Variants in DLGAP4 observed in about 807,000 individuals in gnomAD.
The protein encoded by DLGAP4 is DLG associated protein 4.
A neutral mutation model predicts 86.9 loss-of-function variants in DLGAP4; 18 were observed. The ratio of observed to expected loss-of-function variants is 0.21; its 90% CI spans 0.14 to 0.31. The LOEUF (loss-of-function observed/expected upper bound fraction) is 0.31. Ranked by LOEUF, DLGAP4 falls within the 10% of genes least tolerant of loss-of-function variation. The pLI is 1.00. For synonymous variants in DLGAP4, 548 were observed against 574.3 expected (o/e 0.95, Z 0.65); for missense variants, 1,085 against 1,362.6 (o/e 0.80, Z 3.21).
At position 36,526,018 on chromosome 20, in the gene DLGAP4, G is replaced by A; in HGVS notation, c.2760+12G>A. On this transcript the variant is annotated intron_variant, in intron 12 of 12. Transcript: ENST00000339266. ...CCGAGAAGAGGAAGGTGAGCATGGAGCAGTGCGGAGGGGAAGTCCAGGGAC... is the reference window on the plus strand; with the variant it reads ...CCGAGAAGAGGAAGGTGAGCATGGAACAGTGCGGAGGGGAAGTCCAGGGAC... The A allele has an allele frequency of 1.2e-6, 2 of 1,613,906 alleles. No homozygotes were observed. Among genetic ancestry groups the A allele is most frequent in the Non-Finnish European group, 1.7e-6 (2 of 1,180,014 alleles).
chr20:36,479,409 C>A (rs1455746897), intron 7 of DLGAP4, among the ~76,000 whole-genome samples: 1 of 152,048 alleles, frequency 6.6e-6, no homozygotes, highest in Non-Finnish European at 1.5e-5. Flanking sequence ...AGGGATGCCA[C>A]CCTGCCTTCA....
chr20:36,375,514 G>A (rs145172588), intron 2 of DLGAP4, among the ~76,000 whole-genome samples: 3 of 152,314 alleles, frequency 2.0e-5, no homozygotes, highest in East Asian at 1.9e-4. Flanking sequence ...CTACAAGGAC[G>A]AATCAGAGCT....
chr20:36,307,621 C>T (rs2065016928), intron 1 of DLGAP4, among the ~76,000 whole-genome samples: 1 of 152,096 alleles, frequency 6.6e-6, no homozygotes, highest in Admixed American at 6.5e-5. Flanking sequence ...TGGAGGGCAG[C>T]GCTGATGGGG....
rs1009296553 is a variant in DLGAP4 at position 36,393,324 on chromosome 20, C to A, written c.-73+26049C>A. 2.6e-5 allele frequency among the ~76,000 whole-genome samples: 4 copies of A among 152,190 alleles called. No individual in the cohort carries two copies. The highest frequency in any genetic ancestry group is 9.6e-5 in the African/African-American group (4 of 41,502). On this transcript the variant is annotated intron_variant, in intron 2 of 12. Coordinates refer to ENST00000339266, the MANE Select transcript of DLGAP4 (RefSeq NM_001365621.2). This position sits in a 1 kb window ranked among gnomAD's most constrained non-coding sequence, Gnocchi z 4.4. The stretch of plus-strand genomic sequence containing the variant: ...GGGGTCAGAGAGGCCTGGGTGAGAA[C>A]CCCAAGCTCTACACTCCCTCGCTGT...
Position 36,499,627 on chromosome 20 carries a change from C to T in DLGAP4, c.2050C>T (p.Pro684Ser), listed in dbSNP as rs768246559. The T allele has an allele frequency of 1.2e-6, 2 of 1,614,074 alleles. No homozygotes were observed. The highest frequency in any genetic ancestry group is 2.2e-5 in the South Asian group (2 of 91,008). ...GCCAGTGCCAAAAGAGGAGCCCAGTCCCGCTACCAAATTCCAGTCCATCGG... is the reference window on the plus strand; with the variant it reads ...GCCAGTGCCAAAAGAGGAGCCCAGTTCCGCTACCAAATTCCAGTCCATCGG... ...IQPVPKEEPS[P>S]ATKFQSIGVQ... The change falls in exon 9 of 13, where the codon CCC becomes TCC. Residue 684 changes from proline to serine, a missense_variant. Physicochemically the swap from Pro to Ser is moderately conservative, Grantham distance 74. Around this residue, in one of 2 missense-constraint regions of DLGAP4, gnomAD observed 1,082 missense variants for 1,344.1 expected, o/e 0.81. Transcript: ENST00000339266.
intron 7 of DLGAP4, among the ~76,000 whole-genome samples, chr20:36,455,747 C>G (rs2033862786): frequency 6.6e-6 from 1 of 152,174 alleles, no homozygotes; most frequent in African/African-American, 2.4e-5. Flanking sequence ...CCCCCAGCTT[C>G]TTCTCTGACT....
At position 36,496,846 on chromosome 20, in the gene DLGAP4, G is replaced by T; in HGVS notation, c.1790G>T (p.Ser597Ile). The T allele has an allele frequency of 6.2e-7, 1 of 1,614,228 alleles. No homozygotes were observed. The highest frequency in any genetic ancestry group is 2.2e-5 in the East Asian group (1 of 44,886). Reference sequence around the variant, plus strand: ...TACCTGGACAGCCAGGACCACAAGAGCGAGGTGACTAGCCAGTCGGGCCTG... The same window carrying T: ...TACCTGGACAGCCAGGACCACAAGATCGAGGTGACTAGCCAGTCGGGCCTG... ...DTYLDSQDHK[S>I]EVTSQSGLSN... Residue 597 changes from serine (S) to isoleucine (I), a missense_variant, in exon 8 of 13, where the codon AGC (serine) becomes ATC (isoleucine). Physicochemically the swap from Ser to Ile is moderately radical, Grantham distance 142. Transcript: ENST00000339266.
At chr20:36,336,364 C>T (rs1169969113) in intron 1 of DLGAP4, among the ~76,000 whole-genome samples, 2 of 152,164 alleles carry the variant, frequency 1.3e-5, no homozygotes, top group Admixed American at 6.5e-5. Context: ...GCCTGAGACT[C>T]TGCCCCCAGA....
intron 2 of DLGAP4, among the ~76,000 whole-genome samples, chr20:36,414,460 C>T (rs1361505538): frequency 6.6e-6 from 1 of 152,222 alleles, no homozygotes; most frequent in Admixed American, 6.5e-5. Context: ...ATTTATTCAT[C>T]AGCAAAAAGT....
intron 1 of DLGAP4, among the ~76,000 whole-genome samples, chr20:36,320,517 C>T (rs547096398): frequency 3.6e-4 from 55 of 152,276 alleles, no homozygotes; most frequent in African/African-American, 8.7e-4. Flanking sequence ...GTTCTCCCCA[C>T]GCTGCAGGCC....
At chr20:36,495,979 TCTC>T (rs1288503724) in intron 7 of DLGAP4, among the ~76,000 whole-genome samples, 3 of 152,096 alleles carry the variant, frequency 2.0e-5, no homozygotes, top group African/African-American at 4.8e-5. Context: ...TTCAAGCAGT[TCTC>T]CTGCCTCAGC....
chr20:36,433,610 G>A (rs900192730), intron 3 of DLGAP4, among the ~76,000 whole-genome samples: 4 of 152,098 alleles, frequency 2.6e-5, no homozygotes, highest in East Asian at 3.9e-4. Context: ...GAATGCAAGC[G>A]CGGGCCTGGC....
At chr20:36,392,022 G>C (rs1025265143) in intron 2 of DLGAP4, among the ~76,000 whole-genome samples, 1 of 152,214 alleles carries the variant, frequency 6.6e-6, no homozygotes, top group African/African-American at 2.4e-5. Flanking sequence ...GACTTCACTT[G>C]GTGGGCCTCA....
chr20:36,352,357 T>C (rs979804078), intron 1 of DLGAP4, among the ~76,000 whole-genome samples: 1 of 148,110 alleles, frequency 6.8e-6, no homozygotes, highest in Non-Finnish European at 1.5e-5. Context: ...CTGGCTGCAG[T>C]GTGGAGACTG....
chr20:36,412,466 G>T (rs897855204), intron 2 of DLGAP4, among the ~76,000 whole-genome samples: 3 of 152,258 alleles, frequency 2.0e-5, no homozygotes, highest in African/African-American at 7.2e-5. Context: ...CCTGAGAGCT[G>T]AGAAGCAGCA....
intron 7 of DLGAP4, chr20:36,492,930 C>G (rs2035728937): frequency 6.6e-6 from 1 of 152,030 alleles, no homozygotes; most frequent in Admixed American, 6.6e-5. Flanking sequence ...AAGAGTTGCT[C>G]TAAACAAACG....
intron 2 of DLGAP4, among the ~76,000 whole-genome samples, chr20:36,388,957 G>T (rs181995606): frequency 6.6e-6 from 1 of 152,328 alleles, no homozygotes; most frequent in African/African-American, 2.4e-5. Flanking sequence ...GACAGGATTT[G>T]CTGTGGGGCT....
chr20:36,409,849 C>A (rs570372157), intron 2 of DLGAP4, among the ~76,000 whole-genome samples: 4 of 151,706 alleles, frequency 2.6e-5, no homozygotes, highest in South Asian at 2.1e-4. Flanking sequence ...CTGGCTAACA[C>A]GGTGAAACCC....
intron 7 of DLGAP4, among the ~76,000 whole-genome samples, chr20:36,472,779 A>G (rs2034728242): frequency 6.6e-6 from 1 of 152,196 alleles, no homozygotes; most frequent in Non-Finnish European, 1.5e-5. Flanking sequence ...GCCACTTCAG[A>G]CCCAGCCCAG....
Sources: gnomAD v4.1 joint callset for allele counts (sites outside exome capture counted in the v4.1 genomes callset) on GRCh38, gnomAD v4.1.1 for gene constraint, gnomAD v4.1.1 regional missense constraint, Gnocchi (gnomAD v3.1) non-coding constraint, MANE v1.5 for transcripts, NCBI Gene and HGNC (gene_info 2026-07-23, HGNC 2026-07-21) for gene names.